Variants in OSBPL2 observed in about 807,000 individuals in gnomAD.
The protein encoded by OSBPL2 is oxysterol-binding protein-related protein 2.
OSBPL2 carries 18 observed loss-of-function variants against 58.4 expected under a neutral mutation model. The observed-to-expected ratio is 0.31, with a 90% CI of 0.21 to 0.46. OSBPL2 has a LOEUF of 0.46. Ranked by LOEUF, OSBPL2 falls within the 20% of genes least tolerant of loss-of-function variation. The probability of loss-of-function intolerance (pLI) is 1.00; values close to 1 mark genes in which losing one functional copy is unlikely to be tolerated. For synonymous variants in OSBPL2, 221 were observed against 234.1 expected (o/e 0.94, Z 0.51); for missense variants, 461 against 616.5 (o/e 0.75, Z 2.67).
Position 62,272,242 on chromosome 20 carries a change from C to G in OSBPL2, c.376C>G (p.Pro126Ala), listed in dbSNP as rs748798927. 6.2e-7 allele frequency: 1 copy of G among 1,613,438 alleles called. No homozygotes were observed. Among genetic ancestry groups the G allele is most frequent in the Non-Finnish European group, 8.5e-7 (1 of 1,179,856 alleles). Residue 126 changes from proline (P) to alanine (A), a missense_variant, in exon 5 of 14, where the codon CCC becomes GCC. Coordinates refer to ENST00000313733, the MANE Select transcript of OSBPL2 (RefSeq NM_144498.4). Reference protein sequence around the residue: ...LIHRASCQPQPLERMQSVAAF... With the variant: ...LIHRASCQPQALERMQSVAAF... ...CCACAGGGCCTCCTGCCAGCCCCAG[C>G]CCCTGGAGAGGATGCAGGTGGGCCT...
intron 9 of OSBPL2, among the ~76,000 whole-genome samples, chr20:62,283,065 G>C (rs1440912762): frequency 6.6e-6 from 1 of 152,258 alleles, no homozygotes; most frequent in Admixed American, 6.5e-5. Flanking sequence ...GCAGCTGGCT[G>C]TCTGTTTCCA....
chr20:62,246,209 G>A (rs1162576110), intron 1 of OSBPL2, among the ~76,000 whole-genome samples: 1 of 152,252 alleles, frequency 6.6e-6, no homozygotes, highest in South Asian at 2.1e-4. Flanking sequence ...TGATGGCTCA[G>A]CCCCATGGGG....
intron 1 of OSBPL2, among the ~76,000 whole-genome samples, chr20:62,243,456 TGCCCCGCAGCGCCTGCCCGG>T (rs1979875026): frequency 1.6e-5 from 1 of 61,776 alleles, no homozygotes; most frequent in Non-Finnish European, 5.2e-5. Context: ...CCGCAGCGCC[TGCCCCGCAGCGCCTGCCCGG>T]CAGCTCCGCC....
intron 4 of OSBPL2, among the ~76,000 whole-genome samples, chr20:62,268,539 C>T (rs1981844341): frequency 1.3e-5 from 2 of 152,168 alleles, no homozygotes; most frequent in African/African-American, 4.8e-5. Context: ...GCTTTCTCCA[C>T]CTTTTAAAAT....
At chr20:62,283,457 C>T (rs947134400) in intron 9 of OSBPL2, among the ~76,000 whole-genome samples, 2 of 152,172 alleles carry the variant, frequency 1.3e-5, no homozygotes, top group Non-Finnish European at 2.9e-5. Flanking sequence ...GAGTCTGGCA[C>T]TATTTGGCTT....
chr20:62,247,648 C>A (rs1039336007), intron 1 of OSBPL2, among the ~76,000 whole-genome samples: 2 of 151,068 alleles, frequency 1.3e-5, no homozygotes, highest in Admixed American at 6.6e-5. Context: ...GGATGGGGTC[C>A]TTAGGGTCCT....
At chr20:62,247,199 C>T (rs1343786987) in intron 1 of OSBPL2, among the ~76,000 whole-genome samples, 3 of 152,244 alleles carry the variant, frequency 2.0e-5, no homozygotes, top group Non-Finnish European at 4.4e-5. Context: ...GGGAACTTCG[C>T]TTGGCCCTGG....
At chr20:62,286,462 A>T in intron 10 of OSBPL2, 121 bp from the exon 11 acceptor site, 2 of 1,102,492 alleles carry the variant, frequency 1.8e-6, no homozygotes, top group Non-Finnish European at 1.3e-6. Flanking sequence ...AAAAAAAAAA[A>T]GGAGAAGGCT....
intron 1 of OSBPL2, among the ~76,000 whole-genome samples, chr20:62,253,126 C>T (rs1343321297): frequency 1.3e-5 from 2 of 152,274 alleles, no homozygotes; most frequent in Non-Finnish European, 2.9e-5. Flanking sequence ...GGCCGTCTCT[C>T]GGGGTTCAGT....
At chr20:62,248,654 C>T (rs1407691029) in intron 1 of OSBPL2, among the ~76,000 whole-genome samples, 1 of 151,082 alleles carries the variant, frequency 6.6e-6, no homozygotes, top group Non-Finnish European at 1.5e-5. Flanking sequence ...TCACCAACTT[C>T]CTGAACTGTC....
intron 4 of OSBPL2, among the ~76,000 whole-genome samples, chr20:62,268,795 C>T (rs577533510): frequency 1.9e-4 from 29 of 152,256 alleles, no homozygotes; most frequent in African/African-American, 6.0e-4. Flanking sequence ...CAGTGGCTCA[C>T]GCCTGTAATC....
At chr20:62,254,134 G>A (rs1464464918) in intron 1 of OSBPL2, among the ~76,000 whole-genome samples, 1 of 152,170 alleles carries the variant, frequency 6.6e-6, no homozygotes, top group Non-Finnish European at 1.5e-5. Context: ...TTATAAAACA[G>A]CATTAAGCCA....
At chr20:62,247,958 C>T (rs558933709) in intron 1 of OSBPL2, among the ~76,000 whole-genome samples, 2 of 151,358 alleles carry the variant, frequency 1.3e-5, no homozygotes, top group South Asian at 2.1e-4. Context: ...CCACTACGCC[C>T]GGCCCCTTAG....
chr20:62,240,072 C>CG (rs1241164817), intron 1 of OSBPL2, among the ~76,000 whole-genome samples: 1 of 152,120 alleles, frequency 6.6e-6, no homozygotes, highest in Non-Finnish European at 1.5e-5. Context: ...AGGCTGGTCT[C>CG]GAACTCCTAA....
intron 1 of OSBPL2, among the ~76,000 whole-genome samples, chr20:62,244,955 C>A (rs555734619): frequency 6.6e-6 from 1 of 152,228 alleles, no homozygotes; most frequent in Non-Finnish European, 1.5e-5. Flanking sequence ...AAACTTCCTG[C>A]GTGAATTCTG....
At chr20:62,265,750 C>G (rs1981622359) in intron 4 of OSBPL2, among the ~76,000 whole-genome samples, 1 of 151,968 alleles carries the variant, frequency 6.6e-6, no homozygotes, top group Non-Finnish European at 1.5e-5. Context: ...GTGGATAATT[C>G]AGGTCTTGAC....
intron 11 of OSBPL2, among the ~76,000 whole-genome samples, chr20:62,287,805 G>GT (rs1020640462): frequency 2.0e-5 from 3 of 151,866 alleles, no homozygotes; most frequent in South Asian, 2.1e-4. Context: ...AATTGCGTAT[G>GT]TTTTTTTTCA....
intron 11 of OSBPL2, 119 bp downstream of exon 11, chr20:62,286,830 T>C: frequency 8.1e-7 from 1 of 1,239,480 alleles, no homozygotes; most frequent in South Asian, 1.4e-5. Flanking sequence ...CTCAGCCTGT[T>C]GTCCCAGAGC....
intron 4 of OSBPL2, among the ~76,000 whole-genome samples, chr20:62,268,626 G>A (rs1297880413): frequency 2.0e-5 from 3 of 152,124 alleles, no homozygotes; most frequent in Non-Finnish European, 2.9e-5. Flanking sequence ...TAGAGACTGA[G>A]TCTTGCTGTG....
Sources: gnomAD v4.1 joint callset for allele counts (sites outside exome capture counted in the v4.1 genomes callset) on GRCh38, gnomAD v4.1.1 for gene constraint, MANE v1.5 for transcripts, NCBI Gene and HGNC (gene_info 2026-07-23, HGNC 2026-07-21) for gene names.